KALRN: variants seen among roughly 807,000 people sequenced by gnomAD.
KALRN encodes the protein kalirin.
In KALRN, 70 loss-of-function variants were observed where a neutral mutation model predicts 353.7. The ratio of observed to expected loss-of-function variants is 0.20; its 90% CI spans 0.16 to 0.24. The LOEUF is 0.24. Ranked by LOEUF, KALRN falls within the 10% of genes least tolerant of loss-of-function variation. The probability of loss-of-function intolerance (pLI) is 1.00; values close to 1 mark genes in which losing one functional copy is unlikely to be tolerated. For missense variants in KALRN, 2,791 were observed against 3,756.7 expected, an observed-to-expected ratio of 0.74 and a Z score of 6.72; for synonymous variants, 1,391 against 1,434.8, an observed-to-expected ratio of 0.97 and a Z score of 0.69.
In KALRN at chr3:124,696,152, C is replaced by T. The variant is rs756633650; in HGVS notation, c.7596C>T (p.Thr2532=). The part of the protein sequence containing the change: ...TVSSCDSGEI[T]LKICNLMPQD... ...TCCCTAGTGATTCTGGAGAAATCAC[C>T]CTGAAGATCTGTAATCTGATGCCCC... The change falls in exon 54 of 60, where the codon ACC becomes ACT. Residue 2532 remains threonine, a synonymous_variant. Transcript: ENST00000682506. 2.5e-6 allele frequency: 4 copies of T among 1,613,686 alleles called. No individual in the cohort carries two copies. Among genetic ancestry groups the T allele is most frequent in the Non-Finnish European group, 3.4e-6 (4 of 1,179,834 alleles).
intron 6 of KALRN, among the ~76,000 whole-genome samples, chr3:124,306,416 A>G (rs1474538750): frequency 6.6e-6 from 1 of 151,298 alleles, no homozygotes; most frequent in Non-Finnish European, 1.5e-5. Context: ...TTGAAGATAA[A>G]CTAATAGAAA....
At chr3:124,335,476 A>T (rs888633381) in intron 9 of KALRN, among the ~76,000 whole-genome samples, 4 of 152,130 alleles carry the variant, frequency 2.6e-5, no homozygotes, top group African/African-American at 9.7e-5. Flanking sequence ...GCCCTTTCAG[A>T]TGAAATAACC....
intron 1 of KALRN, among the ~76,000 whole-genome samples, chr3:124,115,909 G>T (rs190787663): frequency 6.6e-6 from 1 of 152,306 alleles, no homozygotes; most frequent in East Asian, 1.9e-4. Flanking sequence ...TGGGAGACAG[G>T]ATTGTCAACA....
chr3:124,606,269 C>T (rs2077337502), intron 34 of KALRN, among the ~76,000 whole-genome samples: 2 of 152,190 alleles, frequency 1.3e-5, no homozygotes, highest in South Asian at 4.1e-4. Flanking sequence ...TTTGGCCTTG[C>T]ATGATACTTA....
At chr3:124,120,709 AAAATATATATATATAT>A (rs142912960) in intron 1 of KALRN, among the ~76,000 whole-genome samples, 40,547 of 112,682 alleles carry the variant, frequency 0.36, 6,338 homozygotes, top group East Asian at 0.51. Context: ...AGGAATACTA[AAAATATATATATATAT>A]ATATATATAT....
intron 34 of KALRN, among the ~76,000 whole-genome samples, chr3:124,585,868 T>G (rs980940050): frequency 3.3e-5 from 5 of 152,246 alleles, no homozygotes; most frequent in African/African-American, 1.2e-4. Context: ...CCATCCCATC[T>G]GCTATGCAAA....
chr3:124,492,621 C>T (rs1344333508), intron 31 of KALRN, 119 bp from the exon 32 acceptor site: 2 of 1,073,456 alleles, frequency 1.9e-6, no homozygotes, highest in Non-Finnish European at 2.7e-6. Flanking sequence ...GAGAAATAAA[C>T]TCCCCAGACA....
intron 46 of KALRN, 69 bp downstream of exon 46, chr3:124,666,703 C>A (rs531594642): frequency 3.0e-6 from 4 of 1,325,356 alleles, no homozygotes; most frequent in East Asian, 2.3e-5. Context: ...TTCCCTAAGA[C>A]GAGGCCCTGG....
At chr3:124,218,068 G>A (rs1024909364) in intron 1 of KALRN, among the ~76,000 whole-genome samples, 1 of 152,138 alleles carries the variant, frequency 6.6e-6, no homozygotes, top group Non-Finnish European at 1.5e-5. Flanking sequence ...AGGGTCCTCT[G>A]CCCTAAACTC....
chr3:124,521,011 G>C (rs2067116979), intron 33 of KALRN, among the ~76,000 whole-genome samples: 1 of 152,140 alleles, frequency 6.6e-6, no homozygotes, highest in African/African-American at 2.4e-5. Flanking sequence ...GGTCTTCCTT[G>C]CACACCTCCC....
intron 1 of KALRN, among the ~76,000 whole-genome samples, chr3:124,104,890 C>G (rs1387587083): frequency 6.6e-6 from 1 of 151,980 alleles, no homozygotes; most frequent in Non-Finnish European, 1.5e-5. Context: ...ACATTCTAGA[C>G]AGTAAAGCAT....
At chr3:124,164,348 G>A (rs1463028166) in intron 1 of KALRN, 1 of 152,138 alleles carries the variant, frequency 6.6e-6, no homozygotes, top group Non-Finnish European at 1.5e-5. Flanking sequence ...TCCAAATATA[G>A]ACTCAAAAAA....
chr3:124,241,423 T>C (rs2080422272), intron 3 of KALRN, among the ~76,000 whole-genome samples: 1 of 152,204 alleles, frequency 6.6e-6, no homozygotes. Flanking sequence ...AACCAAATTA[T>C]TAATAGATTA....
intron 36 of KALRN, among the ~76,000 whole-genome samples, chr3:124,634,756 G>A (rs368221623): frequency 2.0e-5 from 3 of 152,014 alleles, no homozygotes; most frequent in Non-Finnish European, 4.4e-5. Context: ...ACGTGGAAGC[G>A]GCAGGTTTGG....
intron 6 of KALRN, among the ~76,000 whole-genome samples, chr3:124,305,974 T>C (rs1262021753): frequency 6.6e-6 from 1 of 152,200 alleles, no homozygotes; most frequent in Non-Finnish European, 1.5e-5. Context: ...TTAAAATTGC[T>C]ATTATAGATA....
chr3:124,280,435 C>G (rs1317414786), intron 5 of KALRN, among the ~76,000 whole-genome samples: 1 of 152,208 alleles, frequency 6.6e-6, no homozygotes, highest in Non-Finnish European at 1.5e-5. Flanking sequence ...GGGGACAGTG[C>G]TTGGGGACCT....
At chr3:124,102,200 C>A (rs1451250205) in intron 1 of KALRN, among the ~76,000 whole-genome samples, 1 of 152,064 alleles carries the variant, frequency 6.6e-6, no homozygotes, top group Non-Finnish European at 1.5e-5. Context: ...TGGCTTTTGG[C>A]ACAAGATCAC....
At chr3:124,421,938 A>G (rs1408046347) in intron 14 of KALRN, among the ~76,000 whole-genome samples, 1 of 152,150 alleles carries the variant, frequency 6.6e-6, no homozygotes, top group African/African-American at 2.4e-5. Context: ...GCATATATTG[A>G]CTCAAGGCTC....
chr3:124,153,213 C>T (rs2068447653), intron 1 of KALRN: 1 of 149,124 alleles, frequency 6.7e-6, no homozygotes, highest in African/African-American at 2.5e-5. Context: ...GTGTGCTGCA[C>T]CCATTAACTC....
Sources: gnomAD v4.1 joint callset for allele counts (sites outside exome capture counted in the v4.1 genomes callset) on GRCh38, gnomAD v4.1.1 for gene constraint, MANE v1.5 for transcripts, NCBI Gene and HGNC (gene_info 2026-07-23, HGNC 2026-07-21) for gene names.